CRLF3: variants seen among roughly 807,000 people sequenced by gnomAD.
CRLF3 encodes cytokine receptor-like factor 3.
Under a neutral mutation model 55.0 loss-of-function variants are expected in CRLF3, and 33 were observed. The observed-to-expected ratio is 0.60, with a 90% CI of 0.46 to 0.80. The LOEUF is 0.80. Ranked by LOEUF, CRLF3 falls within the 30% of genes least tolerant of loss-of-function variation. CRLF3 has a pLI of 0.00. For synonymous variants in CRLF3, 238 were observed against 196.8 expected (o/e 1.21, Z -1.75); for missense variants, 494 against 538.4 (o/e 0.92, Z 0.82).
chr17:30,815,095 T>G (rs1423309816), intron 1 of CRLF3, among the ~76,000 whole-genome samples: 1 of 147,614 alleles, frequency 6.8e-6, no homozygotes, highest in African/African-American at 2.5e-5. Context: ...TTTTTTTTTT[T>G]TTTTTTTTGA....
intron 6 of CRLF3, among the ~76,000 whole-genome samples, chr17:30,789,226 G>T (rs1366802264): frequency 2.0e-5 from 3 of 152,184 alleles, no homozygotes; most frequent in Admixed American, 6.5e-5. Flanking sequence ...ATCTTTAGGA[G>T]ATGCAAGAGA....
intron 1 of CRLF3, among the ~76,000 whole-genome samples, chr17:30,813,564 CATTA>C (rs765090885): frequency 2.6e-4 from 39 of 151,202 alleles, no homozygotes; most frequent in Non-Finnish European, 4.9e-4. Flanking sequence ...TTATGGCTGA[CATTA>C]ATTAAGAATC....
chr17:30,810,824 C>T (rs1035759594), intron 1 of CRLF3, among the ~76,000 whole-genome samples: 2 of 152,044 alleles, frequency 1.3e-5, no homozygotes, highest in African/African-American at 2.4e-5. Flanking sequence ...AGGCCAGGTG[C>T]GGTGGCTCAT....
At chr17:30,813,134 C>G (rs1273590454) in intron 1 of CRLF3, among the ~76,000 whole-genome samples, 1 of 152,058 alleles carries the variant, frequency 6.6e-6, no homozygotes, top group Non-Finnish European at 1.5e-5. Flanking sequence ...TATTACGTAG[C>G]AGTAAACAAA....
In CRLF3 at chr17:30,803,824, C is replaced by T. The variant is rs542630612; in HGVS notation, c.337+77G>A. 630 of 1,115,096 alleles carry T rather than the reference C, an allele frequency of 5.6e-4. 3 individuals are homozygous for T. Among genetic ancestry groups the T allele is most frequent in the Admixed American group, 6.7e-4 (36 of 53,912 alleles). The allele number at this position is 1,115,096 out of a possible 1,614,324, so 69.1% of individuals were successfully genotyped here. A position where few individuals can be genotyped will look rare whatever the true frequency, so the allele number is the denominator to read the frequency against. ...TAAACCTCTTTCTTTTGTAAATTGC[C>T]CAGTTTCAGGTATGTCTTTATCAGC... is the stretch of plus-strand genomic sequence containing the variant. On this transcript the variant is annotated intron_variant, in intron 2 of 7. Transcript: ENST00000324238.
chr17:30,787,622 T>C (rs748337616), intron 6 of CRLF3: 8 of 152,194 alleles, frequency 5.3e-5, no homozygotes, highest in Non-Finnish European at 1.2e-4. Context: ...AAAATGTCAT[T>C]GATTGTGAAA....
At chr17:30,795,888 T>C (rs914159344) in intron 4 of CRLF3, among the ~76,000 whole-genome samples, 28 of 151,944 alleles carry the variant, frequency 1.8e-4, no homozygotes, top group African/African-American at 6.5e-4. Context: ...GGGGAGGGCA[T>C]GGAGGTTGCA....
At chr17:30,793,100 A>AC (rs1971846614) in intron 5 of CRLF3, among the ~76,000 whole-genome samples, 1 of 151,442 alleles carries the variant, frequency 6.6e-6, no homozygotes, top group Non-Finnish European at 1.5e-5. Context: ...TTGCACCACC[A>AC]CACACCAGCC....
intron 1 of CRLF3, chr17:30,810,096 G>A (rs948449292): frequency 6.6e-6 from 1 of 152,134 alleles, no homozygotes; most frequent in Non-Finnish European, 1.5e-5. Flanking sequence ...ATGCTACCTA[G>A]TCATTCAAGG....
chr17:30,788,124 T>C (rs377374966), intron 6 of CRLF3, among the ~76,000 whole-genome samples: 151 of 151,786 alleles, frequency 9.9e-4, no homozygotes, highest in African/African-American at 3.5e-3. Context: ...GTCAGGAGAT[T>C]GAGACCATCC....
rs1488277332 is a variant in CRLF3, at chr17:30,795,904, C to A, written c.603+256G>T. ...GGGAGGGCATGGAGGTTGCAGTAAGCCGAGATCACGCCACTTCACTCCAGC... is the reference window on the plus strand; with the variant it reads ...GGGAGGGCATGGAGGTTGCAGTAAGACGAGATCACGCCACTTCACTCCAGC... On this transcript the variant is annotated intron_variant, in intron 4 of 7. Coordinates refer to ENST00000324238, the MANE Select transcript of CRLF3 (RefSeq NM_015986.4). Among the ~76,000 whole-genome samples, 12 of 152,108 alleles carry A rather than the reference C, an allele frequency of 7.9e-5. No individual in the cohort carries two copies. In the East Asian group the frequency reaches 2.3e-3, roughly 29 times the overall value.
At chr17:30,809,698 T>G (rs1179837114) in intron 1 of CRLF3, 1 of 152,240 alleles carries the variant, frequency 6.6e-6, no homozygotes, top group Non-Finnish European at 1.5e-5. Flanking sequence ...TCGTCCAGGC[T>G]GGAGAGCAGT....
intron 1 of CRLF3, 111 bp from the exon 2 acceptor site, chr17:30,804,219 T>C (rs1972051066): frequency 5.7e-6 from 4 of 703,254 alleles, no homozygotes; most frequent in Non-Finnish European, 9.5e-6. Context: ...TTCAATTTAG[T>C]AAAAAAAAGA....
chr17:30,792,584 C>G lies in CRLF3; in HGVS notation c.827-12G>C, dbSNP rs375056430. On this transcript the variant is annotated splice_polypyrimidine_tract_variant and intron_variant, in intron 5 of 7. Coordinates refer to ENST00000324238, the MANE Select transcript of CRLF3 (RefSeq NM_015986.4). Reference sequence around the variant, plus strand: ...ACCAGCTGTCCACTCTTTTTCAAAGCAAAGATATTGAAAACTGTTAGAATC... The same window carrying G: ...ACCAGCTGTCCACTCTTTTTCAAAGGAAAGATATTGAAAACTGTTAGAATC... The G allele has an allele frequency of 1.3e-5, 21 of 1,587,664 alleles. No individual in the cohort carries two copies. The highest frequency in any genetic ancestry group is 1.6e-5 in the Non-Finnish European group (19 of 1,158,444).
At position 30,783,627 on chromosome 17, in the gene CRLF3, AG is replaced by A. The variant is rs1971555795; in HGVS notation, c.*559del. The A allele has an allele frequency of 6.6e-6, 1 of 152,316 alleles. No individual in the cohort carries two copies. The highest frequency in any genetic ancestry group is 2.1e-4 in the South Asian group (1 of 4,832). The allele number at this position is 152,316 out of a possible 1,614,324, so 9.4% of individuals were successfully genotyped here. ...AGTGAGACTCCGTCTCAACAAAAAAAGAAAAAGTTATAATGTTTTGGGGACT... is the reference window on the plus strand; with the variant it reads ...AGTGAGACTCCGTCTCAACAAAAAAAAAAAAGTTATAATGTTTTGGGGACT... On this transcript the variant is annotated 3_prime_UTR_variant, in exon 8 of 8. Transcript: ENST00000324238.
Position 30,793,753 on chromosome 17 carries a change from C to G in CRLF3, c.604-81G>C, listed in dbSNP as rs916080835. The G allele has an allele frequency of 1.8e-5, 16 of 884,062 alleles. No individual in the cohort carries two copies. In the Admixed American group the frequency reaches 3.6e-4, roughly 20 times the overall value. The allele number at this position is 884,062 out of a possible 1,614,324, so 54.8% of individuals were successfully genotyped here. A position where few individuals can be genotyped will look rare whatever the true frequency, so the allele number is the denominator to read the frequency against. On this transcript the variant is annotated intron_variant, in intron 4 of 7. Coordinates refer to ENST00000324238, the MANE Select transcript of CRLF3 (RefSeq NM_015986.4). ...CACTGCTTAAAAATTTTGAACGGAG[C>G]CATTTTGGACCAAGCAGACAGGCCC...
At chr17:30,809,731 G>A (rs1904551164) in intron 1 of CRLF3, 1 of 152,156 alleles carries the variant, frequency 6.6e-6, no homozygotes, top group African/African-American at 2.4e-5. Flanking sequence ...ACTCACTGCG[G>A]CCTCGAACTC....
chr17:30,815,054 C>A (rs369014946), intron 1 of CRLF3, among the ~76,000 whole-genome samples: 12 of 151,210 alleles, frequency 7.9e-5, no homozygotes, highest in African/African-American at 2.7e-4. Flanking sequence ...AACATTCACA[C>A]ACATTTTTTT....
chr17:30,789,023 C>A (rs1268076698), intron 6 of CRLF3, among the ~76,000 whole-genome samples: 3 of 152,076 alleles, frequency 2.0e-5, no homozygotes, highest in Non-Finnish European at 4.4e-5. Flanking sequence ...TCCCTTATGC[C>A]CTTATGCATG....
Sources: allele counts gnomAD v4.1 joint callset (sites outside exome capture counted in the v4.1 genomes callset), GRCh38; gene constraint gnomAD v4.1.1; transcripts MANE v1.5; gene names NCBI Gene and HGNC (gene_info 2026-07-23, HGNC 2026-07-21).